DLG5: variants seen among roughly 807,000 people sequenced by gnomAD.
The protein encoded by DLG5 is discs large MAGUK scaffold protein 5, also known as disks large homolog 5.
In DLG5, 48 loss-of-function variants were observed where a neutral mutation model predicts 189.8. The ratio of observed to expected loss-of-function variants is 0.25; its 90% CI spans 0.20 to 0.32. The LOEUF is 0.32. DLG5 is among the 10% of genes least tolerant of loss of function. The probability of loss-of-function intolerance (pLI) is 1.00; values close to 1 mark genes in which losing one functional copy is unlikely to be tolerated. For missense variants in DLG5, 2,160 were observed against 2,544.7 expected (o/e 0.85, Z 3.25); for synonymous variants, 1,016 against 1,054.1 (o/e 0.96, Z 0.70).
At chr10:77,908,627 G>A (rs542783997) in intron 1 of DLG5, among the ~76,000 whole-genome samples, 7 of 152,146 alleles carry the variant, frequency 4.6e-5, no homozygotes, top group South Asian at 2.1e-4. Context: ...CTCTCCCCTC[G>A]CCAGGTCTAC....
At chr10:77,835,615 G>T in intron 8 of DLG5, 123 bp downstream of exon 8, 1 of 1,055,838 alleles carries the variant, frequency 9.5e-7, no homozygotes, top group Non-Finnish European at 1.3e-6. Flanking sequence ...GAAAGGAGGA[G>T]CCCAGGTCCC....
chr10:77,899,005 A>G (rs1223282184), intron 1 of DLG5, among the ~76,000 whole-genome samples: 3 of 152,160 alleles, frequency 2.0e-5, no homozygotes, highest in African/African-American at 7.2e-5. Context: ...GCCACTCTCC[A>G]CGTACTCAGA....
Position 77,792,077 on chromosome 10 carries a change from C to T in DLG5, c.*363G>A, listed in dbSNP as rs759887911. Reference sequence around the variant, plus strand: ...GGGCTGGGCACCGGCAACATGGAGCCGTTCAAGTAAACATAAACCACCAAA... The same window carrying T: ...GGGCTGGGCACCGGCAACATGGAGCTGTTCAAGTAAACATAAACCACCAAA... On this transcript the variant is annotated 3_prime_UTR_variant, in exon 32 of 32. Coordinates refer to ENST00000372391, the MANE Select transcript of DLG5 (RefSeq NM_004747.4). 8.8e-5 allele frequency: 20 copies of T among 228,334 alleles called. No individual in the cohort carries two copies. Among genetic ancestry groups the T allele is most frequent in the South Asian group, 1.8e-4 (2 of 11,352 alleles). 14.1% of individuals were successfully genotyped at this position (228,334 alleles called of 1,614,324 possible). A position where few individuals can be genotyped will look rare whatever the true frequency, so the allele number is the denominator to read the frequency against.
chr10:77,840,553 A>G (rs929831364), intron 7 of DLG5, among the ~76,000 whole-genome samples: 11 of 152,240 alleles, frequency 7.2e-5, no homozygotes, highest in African/African-American at 2.6e-4. Flanking sequence ...CCACGTCTCT[A>G]GTAAAAATAC....
At chr10:77,808,190 G>A (rs1841575267) in intron 24 of DLG5, among the ~76,000 whole-genome samples, 1 of 152,224 alleles carries the variant, frequency 6.6e-6, no homozygotes, top group Non-Finnish European at 1.5e-5. Context: ...GCTTATCCAG[G>A]AAAAACCCTG....
chr10:77,822,122 AGTGAGAGAGAGAGTGAGATGGCAGGAC>A (rs1187792016), intron 14 of DLG5, 21 bp from the exon 15 acceptor site: 1 of 1,591,254 alleles, frequency 6.3e-7, no homozygotes, highest in East Asian at 2.2e-5. Context: ...ATTGCAGAGG[AGTGAGAGAGAGAGTGAGATGGCAGGAC>A]TTGGAGCTGC....
intron 13 of DLG5, among the ~76,000 whole-genome samples, chr10:77,826,577 C>G (rs932202292): frequency 6.6e-6 from 1 of 152,090 alleles, no homozygotes; most frequent in Non-Finnish European, 1.5e-5. Context: ...TGCAGTGAGC[C>G]AAGATCACGC....
chr10:77,914,445 T>C (rs1016864500), intron 1 of DLG5, among the ~76,000 whole-genome samples: 1 of 152,134 alleles, frequency 6.6e-6, no homozygotes, highest in Admixed American at 6.5e-5. Context: ...TGAATATTAT[T>C]AGCCCCTCTT....
chr10:77,794,258 C>T, intron 30 of DLG5, 141 bp from the exon 31 acceptor site: 1 of 690,496 alleles, frequency 1.4e-6, no homozygotes. Context: ...ACATAAAGCA[C>T]AGCAACAGCC....
chr10:77,897,488 C>T (rs1845796237), intron 1 of DLG5, among the ~76,000 whole-genome samples: 2 of 152,154 alleles, frequency 1.3e-5, no homozygotes, highest in Non-Finnish European at 2.9e-5. Flanking sequence ...CTAAGAGAAT[C>T]TTTCCTCTTA....
At chr10:77,890,653 C>T (rs994700001) in intron 1 of DLG5, among the ~76,000 whole-genome samples, 1 of 152,190 alleles carries the variant, frequency 6.6e-6, no homozygotes, top group Non-Finnish European at 1.5e-5. Flanking sequence ...CCCATCTCTA[C>T]TAAAAATACA....
rs1241320124 is a variant in DLG5, at chr10:77,796,229, T to C, written c.5309-41A>G. ...ACAGGAATCAGGGAGCCCCAGGCCC[T>C]GCTGAGCCCCAGCAGAGGGAGCAGG... is the stretch of plus-strand genomic sequence containing the variant. On this transcript the variant is annotated intron_variant, in intron 28 of 31. Transcript: ENST00000372391. The surrounding 1 kb of genome is among the most constrained non-coding windows in gnomAD (Gnocchi z 5.2). 5.6e-6 allele frequency: 9 copies of C among 1,613,248 alleles called. No homozygotes were observed. The Admixed American group carries it at 1.5e-4, about 27-fold the overall frequency.
intron 15 of DLG5, chr10:77,820,246 T>C (rs1321880954): frequency 8.1e-6 from 4 of 496,600 alleles, no homozygotes; most frequent in Non-Finnish European, 1.4e-5. Context: ...CTTGGGAGGC[T>C]GAGGCAGGAG....
At chr10:77,840,563 C>CA (rs1048674531) in intron 7 of DLG5, among the ~76,000 whole-genome samples, 47 of 151,868 alleles carry the variant, frequency 3.1e-4, no homozygotes, top group Non-Finnish European at 4.9e-4. Flanking sequence ...AGTAAAAATA[C>CA]AAAAAATTAG....
chr10:77,897,395 C>T (rs1845793554), intron 1 of DLG5, among the ~76,000 whole-genome samples: 1 of 151,712 alleles, frequency 6.6e-6, no homozygotes, highest in African/African-American at 2.4e-5. Flanking sequence ...ATAATTTTTG[C>T]TATTTAACAA....
chr10:77,890,933 C>T (rs1845588488), intron 1 of DLG5, among the ~76,000 whole-genome samples: 1 of 152,174 alleles, frequency 6.6e-6, no homozygotes, highest in African/African-American at 2.4e-5. Context: ...CAGGGCTCCC[C>T]CTTCTACCAC....
intron 1 of DLG5, among the ~76,000 whole-genome samples, chr10:77,918,367 G>A (rs953215720): frequency 2.0e-5 from 3 of 151,500 alleles, no homozygotes; most frequent in Non-Finnish European, 4.4e-5. Context: ...AGCCGAGATC[G>A]CACCATTGCA....
intron 4 of DLG5, 55 bp from the exon 5 acceptor site, chr10:77,853,592 CCA>C: frequency 6.9e-7 from 1 of 1,446,154 alleles, no homozygotes; most frequent in Admixed American, 2.1e-5. Flanking sequence ...ACACCCCGCC[CCA>C]CCCCAGGGCA....
chr10:77,869,629 T>C (rs1244178456), intron 1 of DLG5: 1 of 196,982 alleles, frequency 5.1e-6, no homozygotes, highest in South Asian at 9.5e-5. Flanking sequence ...CTCTGACTGT[T>C]CTGCTCTTTA....
Sources: allele counts gnomAD v4.1 joint callset (sites outside exome capture counted in the v4.1 genomes callset), GRCh38; gene constraint gnomAD v4.1.1; non-coding constraint Gnocchi (gnomAD v3.1); transcripts MANE v1.5; gene names NCBI Gene and HGNC (gene_info 2026-07-23, HGNC 2026-07-21).